Variants in SCFD2 observed in about 807,000 individuals in gnomAD.
The protein encoded by SCFD2 is sec1 family domain-containing protein 2.
A neutral mutation model predicts 58.9 loss-of-function variants in SCFD2; 54 were observed. The observed-to-expected ratio is 0.92, with a 90% CI of 0.74 to 1.15. The LOEUF (loss-of-function observed/expected upper bound fraction) is 1.15, where lower values mean the gene tolerates loss of function less well. SCFD2 is among the 50% of genes most tolerant of loss of function. The probability of loss-of-function intolerance (pLI) is 0.00; values close to 1 mark genes in which losing one functional copy is unlikely to be tolerated. For synonymous variants in SCFD2, 321 were observed against 335.9 expected (o/e 0.96, Z 0.49); for missense variants, 805 against 836.6 (o/e 0.96, Z 0.47).
At chr4:52,956,891 G>A (rs1720724608) in intron 5 of SCFD2, 1 of 144,680 alleles carries the variant, frequency 6.9e-6, no homozygotes, top group South Asian at 2.4e-4. Flanking sequence ...AGCTGCCCCG[G>A]GTGAGCAGCA....
chr4:53,100,885 T>C (rs1223628802), intron 5 of SCFD2, among the ~76,000 whole-genome samples: 4 of 152,190 alleles, frequency 2.6e-5, no homozygotes, highest in Non-Finnish European at 4.4e-5. Context: ...CTCATGACTA[T>C]GCAAATACTC....
chr4:52,977,495 C>T (rs1241390569), intron 5 of SCFD2, among the ~76,000 whole-genome samples: 6 of 151,962 alleles, frequency 3.9e-5, no homozygotes, highest in Admixed American at 2.0e-4. Context: ...CTACAGTAGC[C>T]CCTTGGGATC....
At chr4:53,257,699 C>G (rs975365602) in intron 4 of SCFD2, among the ~76,000 whole-genome samples, 53 of 152,150 alleles carry the variant, frequency 3.5e-4, no homozygotes, top group African/African-American at 1.2e-3. Flanking sequence ...ATCAAAATCT[C>G]TTCCTAATGT....
chr4:53,148,523 C>G (rs1409984287), intron 4 of SCFD2, among the ~76,000 whole-genome samples: 3 of 152,230 alleles, frequency 2.0e-5, no homozygotes, highest in Non-Finnish European at 2.9e-5. Context: ...GATTGTTCCT[C>G]TAACTCCTTA....
intron 5 of SCFD2, among the ~76,000 whole-genome samples, chr4:53,132,464 T>C (rs1163249939): frequency 6.8e-6 from 1 of 146,434 alleles, no homozygotes; most frequent in Non-Finnish European, 1.5e-5. Context: ...TGTTTTCTTT[T>C]GTTTTGTTTT....
In SCFD2 at chr4:53,224,897, T is replaced by C. The variant is rs535958193; in HGVS notation, c.1311+48929A>G. On this transcript the variant is annotated intron_variant, in intron 4 of 8. Coordinates refer to ENST00000401642, the MANE Select transcript of SCFD2 (RefSeq NM_152540.4). ...ATTTAACAGAGTTAGCTTCATGGTA[T>C]ATATGTAGTTTTGTTTTTCATGAGA... Among the ~76,000 whole-genome samples the C allele has an allele frequency of 3.9e-5, 6 of 152,332 alleles. No individual in the cohort carries two copies. In the South Asian group the frequency reaches 1.2e-3, roughly 32 times the overall value.
In SCFD2 at chr4:52,910,038, C is replaced by T. The variant is rs937665002; in HGVS notation, c.1708-2447G>A. ...TTTGGCCAATAATCTGATACCTTAT[C>T]GGCACTATCATCAAATAATAATTGA... On this transcript the variant is annotated intron_variant, in intron 6 of 8. Transcript: ENST00000401642. 2.6e-5 allele frequency among the ~76,000 whole-genome samples: 4 copies of T among 152,162 alleles called. No individual in the cohort carries two copies. In the South Asian group the frequency reaches 8.3e-4, roughly 32 times the overall value.
chr4:52,923,958 A>G (rs996474645), intron 5 of SCFD2, among the ~76,000 whole-genome samples: 3 of 152,228 alleles, frequency 2.0e-5, no homozygotes, highest in African/African-American at 7.2e-5. Flanking sequence ...TGAATCAATT[A>G]TATCTAGGAG....
At chr4:52,988,775 A>G (rs538182686) in intron 5 of SCFD2, among the ~76,000 whole-genome samples, 3 of 152,298 alleles carry the variant, frequency 2.0e-5, no homozygotes, top group South Asian at 4.2e-4. Flanking sequence ...CCATTTTACT[A>G]TAGGATACAA....
At chr4:53,091,873 T>C (rs62339000) in intron 5 of SCFD2, among the ~76,000 whole-genome samples, 7,494 of 152,242 alleles carry the variant, frequency 0.049, 207 homozygotes, top group Middle Eastern at 0.12. Flanking sequence ...ATTTATAGCT[T>C]TTCTTTTAAA....
intron 1 of SCFD2, among the ~76,000 whole-genome samples, chr4:53,360,626 AT>A (rs1164540086): frequency 6.6e-6 from 1 of 152,084 alleles, no homozygotes; most frequent in Admixed American, 6.5e-5. Context: ...TTCTCAGGAG[AT>A]CTCACCCCAC....
intron 5 of SCFD2, among the ~76,000 whole-genome samples, chr4:53,052,217 G>A (rs1423348825): frequency 2.0e-5 from 3 of 152,128 alleles, no homozygotes; most frequent in Non-Finnish European, 2.9e-5. Context: ...CTTCACTCCA[G>A]ATACACTAAC....
chr4:53,244,753 A>G (rs919535493), intron 4 of SCFD2, among the ~76,000 whole-genome samples: 1 of 152,036 alleles, frequency 6.6e-6, no homozygotes, highest in African/African-American at 2.4e-5. Flanking sequence ...TCAGAGCTGC[A>G]CTGAAGGAGA....
intron 5 of SCFD2, among the ~76,000 whole-genome samples, chr4:53,107,275 C>T (rs1280441620): frequency 1.3e-5 from 2 of 152,180 alleles, no homozygotes; most frequent in East Asian, 1.9e-4. Flanking sequence ...CAAAAACATA[C>T]CAAATTGTAA....
chr4:53,191,412 T>A (rs1319069398), intron 4 of SCFD2, among the ~76,000 whole-genome samples: 7 of 152,038 alleles, frequency 4.6e-5, no homozygotes, highest in Non-Finnish European at 8.8e-5. Flanking sequence ...TGGGTTTTGT[T>A]TTTTGTTTTT....
intron 8 of SCFD2, among the ~76,000 whole-genome samples, chr4:52,880,217 G>C (rs1005936355): frequency 6.6e-6 from 1 of 152,028 alleles, no homozygotes; most frequent in Non-Finnish European, 1.5e-5. Flanking sequence ...ATCAATTTTA[G>C]AATAACCTGG....
chr4:53,065,764 T>C (rs1426667776), intron 5 of SCFD2, among the ~76,000 whole-genome samples: 6 of 152,082 alleles, frequency 3.9e-5, no homozygotes, highest in Non-Finnish European at 5.9e-5. Context: ...TAAATACACA[T>C]AGTGCTTCCT....
chr4:53,118,355 T>C (rs1725381960), intron 5 of SCFD2, among the ~76,000 whole-genome samples: 1 of 152,198 alleles, frequency 6.6e-6, no homozygotes, highest in Admixed American at 6.5e-5. Context: ...ACATAAGTCA[T>C]ATTGGTGACT....
chr4:53,164,201 G>A (rs1726935889), intron 4 of SCFD2, among the ~76,000 whole-genome samples: 2 of 152,048 alleles, frequency 1.3e-5, no homozygotes, highest in Non-Finnish European at 2.9e-5. Context: ...TTTATTTAGA[G>A]AGAGGCCTGG....
Sources: gnomAD v4.1 joint callset for allele counts (sites outside exome capture counted in the v4.1 genomes callset) on GRCh38, gnomAD v4.1.1 for gene constraint, MANE v1.5 for transcripts, NCBI Gene and HGNC (gene_info 2026-07-23, HGNC 2026-07-21) for gene names.